The following RGMA variants were observed in gnomAD, a reference collection of about 807,000 sequenced individuals.
RGMA encodes repulsive guidance molecule BMP co-receptor a.
A neutral mutation model predicts 23.2 loss-of-function variants in RGMA; 10 were observed. The ratio of observed to expected loss-of-function variants is 0.43; its 90% CI spans 0.27 to 0.73. The LOEUF is 0.73. Among genes scored for constraint, RGMA ranks in the 30% least tolerant of loss-of-function variants. The probability of loss-of-function intolerance (pLI) is 0.20; values close to 1 mark genes in which losing one functional copy is unlikely to be tolerated. For synonymous variants in RGMA, 308 were observed against 279.3 expected (o/e 1.10, Z -1.03); for missense variants, 547 against 630.5 (o/e 0.87, Z 1.42).
At chr15:93,053,743 C>G (rs890690297) in intron 2 of RGMA, among the ~76,000 whole-genome samples, 4 of 152,226 alleles carry the variant, frequency 2.6e-5, no homozygotes, top group Non-Finnish European at 5.9e-5. Context: ...CACCATCCTA[C>G]TGGAGCACAA....
At chr15:93,071,108 C>T (rs1895307884) in intron 2 of RGMA, among the ~76,000 whole-genome samples, 1 of 152,152 alleles carries the variant, frequency 6.6e-6, no homozygotes, top group Non-Finnish European at 1.5e-5. Context: ...TCAATTTCAG[C>T]TTTGAGCTGA....
rs2054746337 is a variant in RGMA, at chr15:93,043,159, C to G, written c.*1839G>C. 6.6e-6 allele frequency: 1 copy of G among 152,344 alleles called. No homozygotes were observed. Among genetic ancestry groups the G allele is most frequent in the African/African-American group, 2.4e-5 (1 of 41,460 alleles). 9.4% of individuals were successfully genotyped at this position (152,344 alleles called of 1,614,324 possible). A position where few individuals can be genotyped will look rare whatever the true frequency, so the allele number is the denominator to read the frequency against. ...TCCGCCTTCACACCATTCTCACGCA[C>G]ATACACATGCGCACACACATGCCTA... On this transcript the variant is annotated 3_prime_UTR_variant, in exon 4 of 4. Coordinates refer to ENST00000329082, the MANE Select transcript of RGMA (RefSeq NM_020211.3).
chr15:93,089,185 C>T lies in RGMA; in HGVS notation c.-253G>A. The T allele has an allele frequency of 1.1e-5, 3 of 281,510 alleles. No homozygotes were observed. The highest frequency in any genetic ancestry group is 2.0e-5 in the Non-Finnish European group (3 of 152,190). 17.4% of individuals were successfully genotyped at this position (281,510 alleles called of 1,614,324 possible). A position where few individuals can be genotyped will look rare whatever the true frequency, so the allele number is the denominator to read the frequency against. On this transcript the variant is annotated 5_prime_UTR_variant, in exon 1 of 4. Coordinates refer to ENST00000329082, the MANE Select transcript of RGMA (RefSeq NM_020211.3). ...CGGCCCAGCGGCTCGGGCGGCGCAG[C>T]CAGCGCTCGGGAGACAACTGCAGAG...
intron 2 of RGMA, among the ~76,000 whole-genome samples, chr15:93,062,379 G>A (rs914654126): frequency 3.3e-5 from 5 of 152,216 alleles, no homozygotes; most frequent in Non-Finnish European, 5.9e-5. Flanking sequence ...ATGGAAGTAC[G>A]AGAAGGTATC....
Position 93,074,012 on chromosome 15 carries a change from A to G in RGMA, c.15-981T>C, listed in dbSNP as rs1022302966. On this transcript the variant is annotated intron_variant, in intron 1 of 3. Transcript: ENST00000329082. ...GTGACCTTTCCTAACTCTGTCGCTT[A>G]TTTTTCTGGGAAAGAAACATCTCCT... The G allele has an allele frequency of 3.6e-6, 5 of 1,375,434 alleles. No homozygotes were observed. The African/African-American group carries it at 5.9e-5, about 16-fold the overall frequency. 85.2% of individuals were successfully genotyped at this position (1,375,434 alleles called of 1,614,324 possible). A position where few individuals can be genotyped will look rare whatever the true frequency, so the allele number is the denominator to read the frequency against.
Position 93,063,577 on chromosome 15 carries a change from G to A in RGMA, c.130+9339C>T, listed in dbSNP as rs77064866. Among the ~76,000 whole-genome samples, 1,450 of 152,310 alleles carry A rather than the reference G, an allele frequency of 9.5e-3. 26 individuals are homozygous for A. The highest frequency in any genetic ancestry group is 0.033 in the African/African-American group (1,388 of 41,546). ...ATCCAGGTGTTTGGCATCAGATACC[G>A]AAAGGAACACACCCAGGTGAGCGCG... On this transcript the variant is annotated intron_variant, in intron 2 of 3. Transcript: ENST00000329082.
intron 1 of RGMA, chr15:93,088,581 G>C: frequency 9.5e-7 from 1 of 1,057,716 alleles, no homozygotes; most frequent in Non-Finnish European, 1.1e-6. Context: ...TCGGGTGGCC[G>C]GCTCCGTCCG....
chr15:93,047,487 T>G (rs1381474191), intron 3 of RGMA, among the ~76,000 whole-genome samples: 1 of 152,114 alleles, frequency 6.6e-6, no homozygotes. Context: ...AAATCCCACC[T>G]TTATCTGCTG....
chr15:93,060,481 C>T (rs1244155054), intron 2 of RGMA, among the ~76,000 whole-genome samples: 1 of 152,166 alleles, frequency 6.6e-6, no homozygotes, highest in Non-Finnish European at 1.5e-5. Flanking sequence ...GTGAGGGACT[C>T]AGCTTAAGCG....
At chr15:93,067,174 T>C (rs1895184541) in intron 2 of RGMA, among the ~76,000 whole-genome samples, 1 of 152,244 alleles carries the variant, frequency 6.6e-6, no homozygotes, top group African/African-American at 2.4e-5. Context: ...GGATTTTGGG[T>C]TATTTTTATT....
At chr15:93,073,635 A>C (rs72645174) in intron 1 of RGMA, 121,076 of 1,537,052 alleles carry the variant, frequency 0.079, 5,282 homozygotes, top group Non-Finnish European at 0.091. Flanking sequence ...CAGACGCGAC[A>C]CCGGTGCAGG....
intron 1 of RGMA, chr15:93,073,543 G>A: frequency 6.7e-7 from 1 of 1,495,902 alleles, no homozygotes; most frequent in Non-Finnish European, 8.9e-7. Flanking sequence ...AACTGTCCTT[G>A]GAGGCAAATC....
At chr15:93,051,530 G>A (rs1009637413) in intron 3 of RGMA, among the ~76,000 whole-genome samples, 1 of 152,162 alleles carries the variant, frequency 6.6e-6, no homozygotes, top group East Asian at 1.9e-4. Flanking sequence ...CCACTTGCGT[G>A]GGTCCATGGC....
At chr15:93,050,159 T>C (rs2054894314) in intron 3 of RGMA, among the ~76,000 whole-genome samples, 1 of 152,182 alleles carries the variant, frequency 6.6e-6, no homozygotes, top group Non-Finnish European at 1.5e-5. Context: ...AGCTCCCCTT[T>C]GCTGGTCTTT....
Position 93,051,937 on chromosome 15 carries a change from C to T in RGMA, c.645+56G>A, listed in dbSNP as rs550132187. The T allele has an allele frequency of 3.5e-5, 53 of 1,506,506 alleles. No individual in the cohort carries two copies. In the African/African-American group the frequency reaches 5.1e-4, roughly 14 times the overall value. The allele number at this position is 1,506,506 out of a possible 1,614,324, so 93.3% of individuals were successfully genotyped here. On this transcript the variant is annotated intron_variant, in intron 3 of 3. Transcript: ENST00000329082. ...GGCCCTCTCAGCCTCTCAGTGTCCACGCAGGGCAGAGACAAAGGGCAGGGC... is the reference window on the plus strand; with the variant it reads ...GGCCCTCTCAGCCTCTCAGTGTCCATGCAGGGCAGAGACAAAGGGCAGGGC...
chr15:93,046,905 C>CTG (rs10646785), intron 3 of RGMA, among the ~76,000 whole-genome samples: 104,452 of 151,804 alleles, frequency 0.69, 36,849 homozygotes, highest in East Asian at 0.92. Context: ...CTGGGTGGCA[C>CTG]TGTTCTCCTG....
intron 1 of RGMA, among the ~76,000 whole-genome samples, chr15:93,085,398 A>T (rs1895620995): frequency 6.6e-6 from 1 of 152,234 alleles, no homozygotes; most frequent in South Asian, 2.1e-4. Context: ...TAGTTGACAG[A>T]GTCTTTAAAC....
In RGMA at chr15:93,038,574, T is replaced by TTTTTTTTTTTTTTTTG; in HGVS notation, c.*6423_*6424insCAAAAAAAAAAAAAAA. On this transcript the variant is annotated 3_prime_UTR_variant, in exon 4 of 4. Transcript: ENST00000329082. ...AATGAACGAAACTGTTAGTTGTTTT[T>TTTTTTTTTTTTTTTTG]TTTTTTTTTTTGAGACGGTGTCTTG... The TTTTTTTTTTTTTTTTG allele has an allele frequency of 7.1e-6, 1 of 141,502 alleles. No individual in the cohort carries two copies. The allele number at this position is 141,502 out of a possible 1,614,324, so 8.8% of individuals were successfully genotyped here.
At chr15:93,088,756 C>G in intron 1 of RGMA, 163 bp downstream of exon 1, 1 of 782,210 alleles carries the variant, frequency 1.3e-6, no homozygotes, top group Non-Finnish European at 1.9e-6. Context: ...CTGCCAACAG[C>G]TAAAGCGATA....
Sources: gnomAD v4.1 joint callset for allele counts (sites outside exome capture counted in the v4.1 genomes callset) on GRCh38, gnomAD v4.1.1 for gene constraint, MANE v1.5 for transcripts, NCBI Gene and HGNC (gene_info 2026-07-23, HGNC 2026-07-21) for gene names.